ADGRL4: variants seen among roughly 807,000 people sequenced by gnomAD.
The protein encoded by ADGRL4 is adhesion G protein-coupled receptor L4.
In ADGRL4, 90 loss-of-function variants were observed where a neutral mutation model predicts 74.8. That is an observed-to-expected ratio of 1.20 (90% confidence interval 1.02 to 1.43). The LOEUF (loss-of-function observed/expected upper bound fraction) is 1.43. Ranked by LOEUF, ADGRL4 falls within the 40% of genes most tolerant of loss-of-function variation. The probability of loss-of-function intolerance (pLI) is 0.00; values close to 1 mark genes in which losing one functional copy is unlikely to be tolerated. For missense variants in ADGRL4, 881 were observed against 814.3 expected (o/e 1.08, Z -1.00); for synonymous variants, 311 against 279.2 (o/e 1.11, Z -1.14).
At chr1:78,941,151 T>G (rs1489394) in intron 3 of ADGRL4, among the ~76,000 whole-genome samples, 148,848 of 152,266 alleles carry the variant, frequency 0.98, 72,847 homozygotes, top group East Asian at 1. Flanking sequence ...AGAAATGAAT[T>G]AACAGAAAAT....
In ADGRL4 at chr1:78,945,177, A is replaced by AAAAT. The variant is rs376405445; in HGVS notation, c.325+1096_325+1097insATTT. The stretch of plus-strand genomic sequence containing the variant: ...GAGACTCTGTCTCAAAAAAAAAAAA[A>AAAAT]ATATATATATATATATATATCTCAA... On this transcript the variant is annotated intron_variant, in intron 3 of 14. Transcript: ENST00000370742. Among the ~76,000 whole-genome samples the AAAAT allele has an allele frequency of 3.0e-3, 384 of 127,904 alleles. 3 individuals carry two copies. Among genetic ancestry groups the AAAAT allele is most frequent in the South Asian group, 7.4e-3 (29 of 3,916 alleles). The allele number at this position is 127,904 out of a possible 152,430, so 83.9% of individuals were successfully genotyped here.
At chr1:78,963,196 A>G (rs1649988458) in intron 2 of ADGRL4, among the ~76,000 whole-genome samples, 1 of 152,216 alleles carries the variant, frequency 6.6e-6, no homozygotes, top group Non-Finnish European at 1.5e-5. Flanking sequence ...TATGTCAAAC[A>G]TCTATTATTG....
At position 78,952,640 on chromosome 1, in the gene ADGRL4, A is replaced by T. The variant is rs548387340; in HGVS notation, c.173-6214T>A. Among the ~76,000 whole-genome samples, 51 of 152,260 alleles carry T rather than the reference A, an allele frequency of 3.3e-4. 1 individual carries two copies. The South Asian group carries it at 0.01, about 30-fold the overall frequency. ...TAGACTTATAAAGCCCATAGTGTAA[A>T]CTCACATTTCCTTGACCATGAACTC... On this transcript the variant is annotated intron_variant, in intron 2 of 14. Coordinates refer to ENST00000370742, the MANE Select transcript of ADGRL4 (RefSeq NM_022159.4).
At chr1:78,944,249 C>G (rs1438217610) in intron 3 of ADGRL4, among the ~76,000 whole-genome samples, 1 of 152,118 alleles carries the variant, frequency 6.6e-6, no homozygotes, top group Non-Finnish European at 1.5e-5. Flanking sequence ...ATGGAGAGCA[C>G]AGTTAAAACT....
chr1:78,976,909 C>G (rs1650295976), intron 2 of ADGRL4, among the ~76,000 whole-genome samples: 1 of 151,626 alleles, frequency 6.6e-6, no homozygotes, highest in African/African-American at 2.4e-5. Flanking sequence ...AGAAGGAAAT[C>G]CTTTCCATTT....
intron 2 of ADGRL4, among the ~76,000 whole-genome samples, chr1:78,947,944 A>C (rs1247206017): frequency 1.3e-5 from 2 of 152,162 alleles, no homozygotes; most frequent in African/African-American, 2.4e-5. Flanking sequence ...TAATTACTAA[A>C]AGTTGAAGAT....
At chr1:78,925,305 T>C (rs1649088243) in intron 8 of ADGRL4, among the ~76,000 whole-genome samples, 3 of 152,060 alleles carry the variant, frequency 2.0e-5, no homozygotes, top group Admixed American at 6.6e-5. Context: ...ATGGTAATAA[T>C]AGTATGTACC....
chr1:78,961,499 A>G (rs1649952809), intron 2 of ADGRL4, among the ~76,000 whole-genome samples: 1 of 152,112 alleles, frequency 6.6e-6, no homozygotes, highest in East Asian at 1.9e-4. Context: ...GTCATGAAAG[A>G]CAGTTTGAAC....
At chr1:78,994,316 C>T (rs575177378) in intron 2 of ADGRL4, among the ~76,000 whole-genome samples, 77 of 152,096 alleles carry the variant, frequency 5.1e-4, no homozygotes, top group Non-Finnish European at 2.1e-4. Context: ...CAGCCTTATA[C>T]AACATATAAC....
At chr1:78,950,306 G>A (rs1330925763) in intron 2 of ADGRL4, among the ~76,000 whole-genome samples, 3 of 152,048 alleles carry the variant, frequency 2.0e-5, no homozygotes, top group Non-Finnish European at 1.5e-5. Flanking sequence ...TTTAGAGGAG[G>A]ATTGTACTGT....
intron 4 of ADGRL4, 137 bp downstream of exon 4, chr1:78,939,051 G>T: frequency 8.8e-7 from 1 of 1,136,486 alleles, no homozygotes; most frequent in Middle Eastern, 2.3e-4. Context: ...ATGATGCTTA[G>T]ATCTCTATAT....
intron 12 of ADGRL4, among the ~76,000 whole-genome samples, chr1:78,910,907 C>G (rs1648749413): frequency 6.6e-6 from 1 of 151,772 alleles, no homozygotes; most frequent in Admixed American, 6.6e-5. Context: ...ATTAATGAAC[C>G]AAACACCTGA....
intron 12 of ADGRL4, among the ~76,000 whole-genome samples, chr1:78,896,096 C>CA (rs1450244633): frequency 6.6e-6 from 1 of 152,036 alleles, no homozygotes; most frequent in Non-Finnish European, 1.5e-5. Flanking sequence ...CCTAGGTGAT[C>CA]AGACCCAATG....
Position 78,921,801 on chromosome 1 carries a change from C to T in ADGRL4, c.1084-15G>A, listed in dbSNP as rs776036227. On this transcript the variant is annotated splice_polypyrimidine_tract_variant and intron_variant, in intron 8 of 14. Transcript: ENST00000370742. ...CTATCTGTGACCTGAAAAAAAGATA[C>T]TTTACTGATGAAAAAAGAGAAAAAG... The T allele has an allele frequency of 7.7e-6, 11 of 1,422,076 alleles. No individual in the cohort carries two copies. Among genetic ancestry groups the T allele is most frequent in the South Asian group, 1.5e-5 (1 of 65,020 alleles). 88.1% of individuals were successfully genotyped at this position (1,422,076 alleles called of 1,614,324 possible).
intron 2 of ADGRL4, among the ~76,000 whole-genome samples, chr1:78,980,293 C>T (rs1433164023): frequency 2.6e-5 from 4 of 151,478 alleles, no homozygotes; most frequent in Admixed American, 6.6e-5. Flanking sequence ...ATTTACATTT[C>T]GACATTTTCT....
intron 8 of ADGRL4, 88 bp from the exon 9 acceptor site, chr1:78,921,874 A>G: frequency 1.5e-6 from 1 of 679,170 alleles, no homozygotes; most frequent in South Asian, 5.9e-5. Flanking sequence ...CACTAATGTG[A>G]TTGAAACAAT....
chr1:78,996,963 A>C (rs1650729334), intron 2 of ADGRL4, among the ~76,000 whole-genome samples: 1 of 152,176 alleles, frequency 6.6e-6, no homozygotes, highest in Non-Finnish European at 1.5e-5. Context: ...TGAGTCACAA[A>C]ATGAGTTTGA....
chr1:78,920,143 A>G, intron 10 of ADGRL4, 40 bp downstream of exon 10: 1 of 1,471,050 alleles, frequency 6.8e-7, no homozygotes, highest in Non-Finnish European at 9.4e-7. Flanking sequence ...GAAAGTACAC[A>G]TATCATAGGA....
chr1:78,999,777 C>T (rs1392273479), intron 2 of ADGRL4, among the ~76,000 whole-genome samples: 1 of 149,124 alleles, frequency 6.7e-6, no homozygotes, highest in Non-Finnish European at 1.5e-5. Flanking sequence ...ATATGATACA[C>T]ATCTATAGTT....
Sources: allele counts gnomAD v4.1 joint callset (sites outside exome capture counted in the v4.1 genomes callset), GRCh38; gene constraint gnomAD v4.1.1; transcripts MANE v1.5; gene names NCBI Gene and HGNC (gene_info 2026-07-23, HGNC 2026-07-21).